Variants in MED12L observed in about 807,000 individuals in gnomAD.
MED12L encodes mediator of RNA polymerase II transcription subunit 12-like protein.
Under a neutral mutation model 281.3 loss-of-function variants are expected in MED12L, and 60 were observed. The ratio of observed to expected loss-of-function variants is 0.21; its 90% CI spans 0.17 to 0.26. MED12L has a LOEUF of 0.26. Among genes scored for constraint, MED12L ranks in the 10% least tolerant of loss-of-function variants. MED12L has a pLI of 1.00. For missense variants in MED12L, 2,146 were observed against 2,680.9 expected (o/e 0.80, Z 4.41); for synonymous variants, 974 against 987.2 (o/e 0.99, Z 0.25).
chr3:151,334,517 T>G (rs1468816637), intron 16 of MED12L, among the ~76,000 whole-genome samples: 2 of 152,072 alleles, frequency 1.3e-5, no homozygotes, highest in Non-Finnish European at 2.9e-5. Context: ...ATTTGTTTAT[T>G]TATTTAGAGA....
At chr3:151,304,439 C>T (rs1210756892) in intron 16 of MED12L, among the ~76,000 whole-genome samples, 1 of 151,920 alleles carries the variant, frequency 6.6e-6, no homozygotes, top group Non-Finnish European at 1.5e-5. Context: ...CTGGGCATGG[C>T]AGCGTGCACC....
intron 13 of MED12L, among the ~76,000 whole-genome samples, chr3:151,189,291 G>A (rs768106344): frequency 9.9e-5 from 15 of 152,200 alleles, no homozygotes; most frequent in Non-Finnish European, 2.2e-4. Context: ...GGCTCTCTCA[G>A]TTATTTGGTG....
At chr3:151,095,510 G>A (rs1720597802) in intron 2 of MED12L, among the ~76,000 whole-genome samples, 1 of 152,018 alleles carries the variant, frequency 6.6e-6, no homozygotes, top group Non-Finnish European at 1.5e-5. Context: ...GCTAATTTTT[G>A]TATTTTTAGT....
At chr3:151,110,654 G>A (rs1163576259) in intron 2 of MED12L, among the ~76,000 whole-genome samples, 1 of 152,188 alleles carries the variant, frequency 6.6e-6, no homozygotes, top group Non-Finnish European at 1.5e-5. Flanking sequence ...CCTCACAGAA[G>A]TGACAGCTTC....
chr3:151,418,808 C>G (rs1281873041), intron 43 of MED12L, among the ~76,000 whole-genome samples: 2 of 151,910 alleles, frequency 1.3e-5, no homozygotes, highest in Non-Finnish European at 2.9e-5. Flanking sequence ...ATTATTCTTG[C>G]CTAAATTCAT....
At chr3:151,212,378 G>A (rs886925584) in intron 16 of MED12L, 1 of 152,120 alleles carries the variant, frequency 6.6e-6, no homozygotes, top group Non-Finnish European at 1.5e-5. Context: ...ACTCATTAAT[G>A]TAAATTTTAG....
intron 16 of MED12L, among the ~76,000 whole-genome samples, chr3:151,250,666 C>T (rs187786469): frequency 1.3e-5 from 2 of 152,322 alleles, no homozygotes; most frequent in East Asian, 3.9e-4. Context: ...GTTTATTCAT[C>T]TGTCCATAGT....
At chr3:151,210,425 T>C (rs1553742916) in intron 16 of MED12L, among the ~76,000 whole-genome samples, 2 of 152,234 alleles carry the variant, frequency 1.3e-5, no homozygotes, top group Non-Finnish European at 2.9e-5. Flanking sequence ...TAAAAGACCA[T>C]TGCAGGGTTC....
rs192706840 is a variant in MED12L, at chr3:151,169,992, C to T, written c.1494+4010C>T. 4.6e-5 allele frequency among the ~76,000 whole-genome samples: 7 copies of T among 152,298 alleles called. No individual in the cohort carries two copies. In the East Asian group the frequency reaches 7.7e-4, roughly 17 times the overall value. On this transcript the variant is annotated intron_variant, in intron 11 of 44. Transcript: ENST00000687756. ...CTTAATTCCCTTTTCTCTGGAACTGCGACAGGGAAATGCAGTCCTCTCTAC... is the reference window on the plus strand; with the variant it reads ...CTTAATTCCCTTTTCTCTGGAACTGTGACAGGGAAATGCAGTCCTCTCTAC...
At chr3:151,100,076 G>C (rs1721210535) in intron 2 of MED12L, among the ~76,000 whole-genome samples, 1 of 152,208 alleles carries the variant, frequency 6.6e-6, no homozygotes, top group African/African-American at 2.4e-5. Context: ...GTCTGAGCGA[G>C]GCTGAACTGG....
intron 16 of MED12L, among the ~76,000 whole-genome samples, chr3:151,230,817 C>G (rs1731521221): frequency 6.6e-6 from 1 of 152,156 alleles, no homozygotes; most frequent in African/African-American, 2.4e-5. Flanking sequence ...ACCCCCCTGC[C>G]AATGCAGAAG....
chr3:151,312,709 G>A (rs1747713369), intron 16 of MED12L, among the ~76,000 whole-genome samples: 1 of 152,144 alleles, frequency 6.6e-6, no homozygotes, highest in Non-Finnish European at 1.5e-5. Context: ...ATGCTGGCTA[G>A]TATTATTGTG....
chr3:151,156,511 G>A (rs1251225102), intron 6 of MED12L, among the ~76,000 whole-genome samples, 181 bp downstream of exon 6: 1 of 152,204 alleles, frequency 6.6e-6, no homozygotes, highest in Non-Finnish European at 1.5e-5. Flanking sequence ...TGGGATGACA[G>A]CTTATTATAC....
chr3:151,361,911 C>T (rs146880279), intron 21 of MED12L, among the ~76,000 whole-genome samples: 42 of 152,118 alleles, frequency 2.8e-4, no homozygotes, highest in African/African-American at 9.4e-4. Flanking sequence ...AAAGTAAATG[C>T]TTATTTAATG....
intron 2 of MED12L, among the ~76,000 whole-genome samples, chr3:151,109,521 A>C (rs1711543965): frequency 6.6e-6 from 1 of 152,146 alleles, no homozygotes; most frequent in Non-Finnish European, 1.5e-5. Flanking sequence ...GAGGTGTGAG[A>C]GTTCTCCTTT....
chr3:151,253,818 T>TGGGA (rs1737288969), intron 16 of MED12L, among the ~76,000 whole-genome samples: 2 of 152,062 alleles, frequency 1.3e-5, no homozygotes, highest in African/African-American at 4.8e-5. Flanking sequence ...ACATTGTCCT[T>TGGGA]TTGCTGAGAG....
chr3:151,231,329 G>C (rs1731624549), intron 16 of MED12L, among the ~76,000 whole-genome samples: 1 of 152,200 alleles, frequency 6.6e-6, no homozygotes, highest in Admixed American at 6.5e-5. Context: ...TGGGAGAATA[G>C]TATCTTTCAG....
chr3:151,228,238 G>A (rs16863274), intron 16 of MED12L, among the ~76,000 whole-genome samples: 1,937 of 152,274 alleles, frequency 0.013, 31 homozygotes, highest in African/African-American at 0.042. Context: ...CATGTATGGC[G>A]CTAGAATATT....
chr3:151,377,160 G>C lies in MED12L; in HGVS notation c.4298G>C (p.Gly1433Ala). 4 of 1,610,030 alleles carry C rather than the reference G, an allele frequency of 2.5e-6. No homozygotes were observed. The highest frequency in any genetic ancestry group is 3.4e-6 in the Non-Finnish European group (4 of 1,178,894). The change falls in exon 30 of 45, where the codon GGA becomes GCA. Residue 1433 changes from glycine (G) to alanine (A), a missense_variant. Gly to Ala is a moderately conservative substitution (Grantham distance 60). This residue lies in a region of MED12L where 235 missense variants were observed against 260.3 expected (regional missense o/e 0.90). Transcript: ENST00000687756. ...GATACAAGTAGCACGAGACAGAATG[G>C]AATAAAGACATTCCTAAGGTATTTT... ...SADTSSTRQN[G>A]IKTFLSSSER...
Sources: allele counts gnomAD v4.1 joint callset (sites outside exome capture counted in the v4.1 genomes callset), GRCh38; gene constraint gnomAD v4.1.1; regional missense constraint gnomAD v4.1.1; transcripts MANE v1.5; gene names NCBI Gene and HGNC (gene_info 2026-07-23, HGNC 2026-07-21).